Variants in SLC6A6 observed in about 807,000 individuals in gnomAD.
SLC6A6 encodes the protein sodium- and chloride-dependent taurine transporter.
A neutral mutation model predicts 68.8 loss-of-function variants in SLC6A6; 16 were observed. The ratio of observed to expected loss-of-function variants is 0.23; its 90% confidence interval spans 0.16 to 0.35. The LOEUF is 0.35. Among genes scored for constraint, SLC6A6 ranks in the 10% least tolerant of loss-of-function variants. The pLI is 1.00. For synonymous variants in SLC6A6, 312 were observed against 315.4 expected, an observed-to-expected ratio of 0.99 and a Z score of 0.12; for missense variants, 474 against 802.8, an observed-to-expected ratio of 0.59 and a Z score of 4.95.
chr3:14,421,153 A>C (rs1699477518), intron 2 of SLC6A6, among the ~76,000 whole-genome samples: 1 of 152,234 alleles, frequency 6.6e-6, no homozygotes. Context: ...TCGGGACTTT[A>C]GGAAACGGGA....
At position 14,468,338 on chromosome 3, in the gene SLC6A6, C is replaced by T. The variant is rs895564556; in HGVS notation, c.1096+126C>T. ...ACGAGCCTGGTTTCTAAAATGGACC[C>T]CCCCCCCGCCACCAAGATATCCCCC... On this transcript the variant is annotated intron_variant, in intron 9 of 14. Coordinates refer to ENST00000622186, the MANE Select transcript of SLC6A6 (RefSeq NM_003043.6). The surrounding 1 kb of genome is among the most constrained non-coding windows in gnomAD (Gnocchi z 4.5). 1 of 732,398 alleles carries T rather than the reference C, an allele frequency of 1.4e-6. No individual in the cohort carries two copies. The highest frequency in any genetic ancestry group is 2.1e-6 in the Non-Finnish European group (1 of 477,098). The allele number at this position is 732,398 out of a possible 1,614,324, so 45.4% of individuals were successfully genotyped here. A position where few individuals can be genotyped will look rare whatever the true frequency, so the allele number is the denominator to read the frequency against.
At chr3:14,416,997 G>A (rs1401803501) in intron 2 of SLC6A6, among the ~76,000 whole-genome samples, 3 of 152,176 alleles carry the variant, frequency 2.0e-5, no homozygotes, top group Non-Finnish European at 2.9e-5. Flanking sequence ...GGCGCGTGCC[G>A]CCGTGCCCAG....
intron 14 of SLC6A6, among the ~76,000 whole-genome samples, chr3:14,482,310 T>C (rs1479620768): frequency 6.6e-6 from 1 of 152,202 alleles, no homozygotes; most frequent in African/African-American, 2.4e-5. Flanking sequence ...GAGCCAAATT[T>C]AGGATCATCC....
chr3:14,446,728 C>T (rs571271694), intron 4 of SLC6A6, among the ~76,000 whole-genome samples: 48 of 152,256 alleles, frequency 3.2e-4, no homozygotes, highest in African/African-American at 1.0e-3. Context: ...GAAATATAGT[C>T]GTATGTTTAC....
At chr3:14,405,487 G>T (rs1699086641) in intron 1 of SLC6A6, among the ~76,000 whole-genome samples, 1 of 152,188 alleles carries the variant, frequency 6.6e-6, no homozygotes, top group Non-Finnish European at 1.5e-5. Flanking sequence ...AATTATAAGG[G>T]CTCCCCAGAA....
In SLC6A6 at chr3:14,452,794, G is replaced by A. The variant is rs367760331; in HGVS notation, c.599+4978G>A. On this transcript the variant is annotated intron_variant, in intron 5 of 14. Transcript: ENST00000622186. ...GAGCGCCGAGTTGCTCTGGGATGGG[G>A]AAGCAGAGCTTTTGTCCCCTGCTTC... 3.9e-5 allele frequency among the ~76,000 whole-genome samples: 6 copies of A among 152,186 alleles called. No homozygotes were observed. The South Asian group carries it at 6.2e-4, about 16-fold the overall frequency.
intron 2 of SLC6A6, among the ~76,000 whole-genome samples, chr3:14,443,049 A>T (rs1176904923): frequency 1.3e-5 from 2 of 152,224 alleles, no homozygotes. Flanking sequence ...TTTCCATTCC[A>T]GCCTGAAACC....
At chr3:14,467,998 T>A (rs754934963) in intron 8 of SLC6A6, 42 bp downstream of exon 8, 1 of 1,608,024 alleles carries the variant, frequency 6.2e-7, no homozygotes, top group Non-Finnish European at 8.5e-7. Flanking sequence ...TTAGAAATGA[T>A]GATGATGATG....
At chr3:14,448,392 C>T (rs376700043) in intron 5 of SLC6A6, among the ~76,000 whole-genome samples, 1 of 152,170 alleles carries the variant, frequency 6.6e-6, no homozygotes, top group African/African-American at 2.4e-5. Flanking sequence ...GTCTCCTCCA[C>T]GTGTCTGCAG....
intron 2 of SLC6A6, among the ~76,000 whole-genome samples, chr3:14,416,869 G>C (rs2124905872): frequency 6.6e-6 from 1 of 152,318 alleles, no homozygotes; most frequent in Non-Finnish European, 1.5e-5. Context: ...TTTGAGACAG[G>C]GTCACACTCT....
At chr3:14,410,520 A>G (rs1699228764) in intron 1 of SLC6A6, among the ~76,000 whole-genome samples, 1 of 152,176 alleles carries the variant, frequency 6.6e-6, no homozygotes, top group African/African-American at 2.4e-5. Flanking sequence ...ACTGCATGGA[A>G]TAGAACGTGG....
chr3:14,481,614 G>GCC lies in SLC6A6; in HGVS notation c.1552-52_1552-51dup. ...GTTGAGGCCAGTCCTAGTCCCAGAA[G>GCC]CCCCCCACCCCCCGATGCCCAGGAC... On this transcript the variant is annotated intron_variant, in intron 13 of 14. Coordinates refer to ENST00000622186, the MANE Select transcript of SLC6A6 (RefSeq NM_003043.6). The surrounding 1 kb of genome is among the most constrained non-coding windows in gnomAD (Gnocchi z 4.7). The GCC allele has an allele frequency of 6.5e-6, 8 of 1,223,060 alleles. No homozygotes were observed. The highest frequency in any genetic ancestry group is 9.5e-6 in the Non-Finnish European group (8 of 844,724). 75.8% of individuals were successfully genotyped at this position (1,223,060 alleles called of 1,614,324 possible). A position where few individuals can be genotyped will look rare whatever the true frequency, so the allele number is the denominator to read the frequency against.
chr3:14,447,850 A>G (rs1700163949), intron 5 of SLC6A6, 34 bp downstream of exon 5: 11 of 1,612,440 alleles, frequency 6.8e-6, no homozygotes, highest in Admixed American at 1.7e-5. Flanking sequence ...GGAGGAGGAC[A>G]TGGGTGGGGC....
At chr3:14,440,960 G>A (rs1256109190) in intron 2 of SLC6A6, among the ~76,000 whole-genome samples, 2 of 152,204 alleles carry the variant, frequency 1.3e-5, no homozygotes, top group Non-Finnish European at 2.9e-5. Context: ...TCAGCCCCAG[G>A]TGGTGGGACG....
chr3:14,438,651 G>A (rs1209047326), intron 2 of SLC6A6, among the ~76,000 whole-genome samples: 1 of 152,194 alleles, frequency 6.6e-6, no homozygotes, highest in East Asian at 1.9e-4. Context: ...TAACCAAGAG[G>A]TTTGCTGAGA....
chr3:14,471,699 C>T (rs112070506), intron 9 of SLC6A6, among the ~76,000 whole-genome samples: 2,678 of 152,332 alleles, frequency 0.018, 91 homozygotes, highest in African/African-American at 0.061. Flanking sequence ...AGAGACAGGC[C>T]TCCTGTTGGG....
At chr3:14,459,643 G>A (rs1287691667) in intron 6 of SLC6A6, among the ~76,000 whole-genome samples, 2 of 152,108 alleles carry the variant, frequency 1.3e-5, no homozygotes, top group Non-Finnish European at 2.9e-5. Flanking sequence ...CCTCCTTGGA[G>A]AGCACCTTCA....
chr3:14,419,871 G>A (rs1202726424), intron 2 of SLC6A6, among the ~76,000 whole-genome samples: 1 of 152,126 alleles, frequency 6.6e-6, no homozygotes, highest in Non-Finnish European at 1.5e-5. Flanking sequence ...GGTGCCTGGG[G>A]CAGCTTAAGG....
chr3:14,486,522 A>G lies in SLC6A6; in HGVS notation c.*1515A>G, dbSNP rs1253633518. The G allele has an allele frequency of 6.6e-6, 1 of 152,646 alleles. No individual in the cohort carries two copies. Among genetic ancestry groups the G allele is most frequent in the Non-Finnish European group, 1.5e-5 (1 of 68,066 alleles). The allele number at this position is 152,646 out of a possible 1,614,324, so 9.5% of individuals were successfully genotyped here. Reference sequence around the variant, plus strand: ...CAGAACTGGCTTGATCAAGGGCCTTATGTGGAGCAGAGGTTGTCTCTGAAC... The same window carrying G: ...CAGAACTGGCTTGATCAAGGGCCTTGTGTGGAGCAGAGGTTGTCTCTGAAC... On this transcript the variant is annotated 3_prime_UTR_variant, in exon 15 of 15. Coordinates refer to ENST00000622186, the MANE Select transcript of SLC6A6 (RefSeq NM_003043.6).
Sources: gnomAD v4.1 joint callset for allele counts (sites outside exome capture counted in the v4.1 genomes callset) on GRCh38, gnomAD v4.1.1 for gene constraint, Gnocchi (gnomAD v3.1) non-coding constraint, MANE v1.5 for transcripts, NCBI Gene and HGNC (gene_info 2026-07-23, HGNC 2026-07-21) for gene names.